Variants in RYK observed in about 807,000 individuals in gnomAD.
RYK encodes the protein receptor like tyrosine kinase, also known as inactive tyrosine-protein kinase RYK.
RYK carries 21 observed loss-of-function variants against 70.2 expected under a neutral mutation model. That is an observed-to-expected ratio of 0.30 (90% confidence interval 0.21 to 0.43). The LOEUF is 0.43. Ranked by LOEUF, RYK falls within the 20% of genes least tolerant of loss-of-function variation. The probability of loss-of-function intolerance (pLI) is 1.00; values close to 1 mark genes in which losing one functional copy is unlikely to be tolerated. For synonymous variants in RYK, 267 were observed against 278.0 expected (o/e 0.96, Z 0.39); for missense variants, 604 against 753.3 (o/e 0.80, Z 2.32).
rs563194173 is a variant in RYK at position 134,209,362 on chromosome 3, T to C, written c.589+333A>G. Among the ~76,000 whole-genome samples the C allele has an allele frequency of 1.4e-4, 22 of 152,332 alleles. No individual in the cohort carries two copies. The South Asian group carries it at 4.6e-3, about 32-fold the overall frequency. On this transcript the variant is annotated intron_variant, in intron 4 of 14. Coordinates refer to ENST00000623711, the MANE Select transcript of RYK (RefSeq NM_002958.4). ...ATGCTTCTGCATAAAAGTAACTTGA[T>C]AAGGGAAACACAGTTAACATAGTTA... is the stretch of plus-strand genomic sequence containing the variant.
chr3:134,163,887 A>G (rs1319293772), intron 13 of RYK, among the ~76,000 whole-genome samples: 2 of 152,228 alleles, frequency 1.3e-5, no homozygotes, highest in Non-Finnish European at 2.9e-5. Flanking sequence ...ACCTGGGTTA[A>G]GTGTTTTATA....
At chr3:134,225,925 G>C (rs1223466483) in intron 1 of RYK, among the ~76,000 whole-genome samples, 2 of 151,160 alleles carry the variant, frequency 1.3e-5, no homozygotes, top group Non-Finnish European at 2.9e-5. Flanking sequence ...TAGATGATTT[G>C]AACATATAAT....
rs542380004 is a variant in RYK at position 134,239,028 on chromosome 3, G to A, written c.232+11395C>T. Among the ~76,000 whole-genome samples the A allele has an allele frequency of 7.2e-5, 11 of 152,288 alleles. No individual in the cohort carries two copies. In the East Asian group the frequency reaches 2.1e-3, roughly 29 times the overall value. ...CCATAAGGTAGCCTCGGTGCAGTAG[G>A]GGAGAGACAAAATATGATGGGTGCA... is the stretch of plus-strand genomic sequence containing the variant. On this transcript the variant is annotated intron_variant, in intron 1 of 14. Coordinates refer to ENST00000623711, the MANE Select transcript of RYK (RefSeq NM_002958.4).
chr3:134,250,704 C>T lies in RYK; in HGVS notation c.-50G>A. The T allele has an allele frequency of 1.1e-6, 1 of 893,694 alleles. No homozygotes were observed. The highest frequency in any genetic ancestry group is 1.3e-6 in the Non-Finnish European group (1 of 747,910). The allele number at this position is 893,694 out of a possible 1,614,324, so 55.4% of individuals were successfully genotyped here. A position where few individuals can be genotyped will look rare whatever the true frequency, so the allele number is the denominator to read the frequency against. ...GGAGCGTCGGCCGCCCGCCGCACCG[C>T]CGCCCACCCCCGGCCCCGAGCCGCT... On this transcript the variant is annotated 5_prime_UTR_variant, in exon 1 of 15. Coordinates refer to ENST00000623711, the MANE Select transcript of RYK (RefSeq NM_002958.4).
At position 134,175,632 on chromosome 3, in the gene RYK, C is replaced by T. The variant is rs754659003; in HGVS notation, c.1552G>A (p.Glu518Lys). 15 of 1,613,880 alleles carry T rather than the reference C, an allele frequency of 9.3e-6. No individual in the cohort carries two copies. The highest frequency in any genetic ancestry group is 5.5e-5 in the South Asian group (5 of 91,070). Residue 518 changes from glutamate (E) to lysine (K), a missense_variant, in exon 13 of 15, where the codon GAG becomes AAG. Transcript: ENST00000623711. ...WMALESLVNN[E>K]FSSASDVWAF... ...ACCACATCACTAGCGCTAGAGAACT[C>T]GTTATTAACCAGACTTTCAAGAGCC...
At chr3:134,196,962 T>C (rs544101197) in intron 6 of RYK, among the ~76,000 whole-genome samples, 13 of 152,332 alleles carry the variant, frequency 8.5e-5, no homozygotes, top group African/African-American at 2.6e-4. Context: ...TCCCTGAAGA[T>C]GTCCATCATT....
chr3:134,215,944 G>A (rs1391425555), intron 2 of RYK, among the ~76,000 whole-genome samples: 1 of 151,386 alleles, frequency 6.6e-6, no homozygotes, highest in Non-Finnish European at 1.5e-5. Flanking sequence ...GCTAAGGCAG[G>A]AGAATCACTT....
At chr3:134,213,873 G>A (rs956090640) in intron 2 of RYK, among the ~76,000 whole-genome samples, 4 of 151,910 alleles carry the variant, frequency 2.6e-5, no homozygotes, top group South Asian at 2.1e-4. Flanking sequence ...GCGTGATATC[G>A]GCTCGCTGCA....
intron 6 of RYK, among the ~76,000 whole-genome samples, chr3:134,197,303 G>A (rs915344427): frequency 5.9e-5 from 9 of 152,136 alleles, no homozygotes; most frequent in East Asian, 1.9e-4. Context: ...AGCATAAACC[G>A]TGAAGTCAGA....
At position 134,250,500 on chromosome 3, in the gene RYK, G is replaced by A. The variant is rs2015586190; in HGVS notation, c.155C>T (p.Pro52Leu). 1.6e-6 allele frequency: 2 copies of A among 1,280,030 alleles called. No individual in the cohort carries two copies. The highest frequency in any genetic ancestry group is 2.6e-5 in the South Asian group (1 of 38,270). The allele number at this position is 1,280,030 out of a possible 1,614,324, so 79.3% of individuals were successfully genotyped here. ...PGAAAAPAPR[P>L]PELQSASAGP... ...CGCGGAAGCCGACTGCAGCTCCGGG[G>A]GCCGCGGGGCGGGGGCGGCGGCAGC... Residue 52 changes from proline to leucine, a missense_variant, in exon 1 of 15, where the codon CCC becomes CTC. Around this residue, in one of 2 missense-constraint regions of RYK, gnomAD observed 466 missense variants for 535.9 expected, o/e 0.87. Transcript: ENST00000623711.
chr3:134,191,420 G>C (rs979751419), intron 8 of RYK, among the ~76,000 whole-genome samples: 1 of 152,134 alleles, frequency 6.6e-6, no homozygotes, highest in Non-Finnish European at 1.5e-5. Flanking sequence ...TTTCTCCAAA[G>C]CCACACGGAG....
At chr3:134,246,064 TAAAA>T (rs1334873861) in intron 1 of RYK, among the ~76,000 whole-genome samples, 1 of 145,868 alleles carries the variant, frequency 6.9e-6, no homozygotes, top group African/African-American at 2.5e-5. Context: ...AAAGAAAAAA[TAAAA>T]ATACACACAT....
chr3:134,207,273 A>G (rs1183659874), intron 5 of RYK, among the ~76,000 whole-genome samples, 199 bp downstream of exon 5: 4 of 152,224 alleles, frequency 2.6e-5, no homozygotes, highest in African/African-American at 9.6e-5. Flanking sequence ...AAATACGTAT[A>G]AATTTTAGTT....
chr3:134,199,091 C>A (rs991349446), intron 6 of RYK, among the ~76,000 whole-genome samples: 1 of 152,198 alleles, frequency 6.6e-6, no homozygotes, highest in Non-Finnish European at 1.5e-5. Flanking sequence ...TCTGCCTATC[C>A]AGGACAGACT....
At chr3:134,191,676 C>T (rs1328209551) in intron 8 of RYK, among the ~76,000 whole-genome samples, 173 bp downstream of exon 8, 2 of 152,046 alleles carry the variant, frequency 1.3e-5, no homozygotes, top group African/African-American at 4.8e-5. Flanking sequence ...GTACAAGGCC[C>T]ATTCAAGTAT....
intron 9 of RYK, among the ~76,000 whole-genome samples, chr3:134,183,835 T>TG (rs1363745304): frequency 6.6e-6 from 1 of 152,244 alleles, no homozygotes; most frequent in Non-Finnish European, 1.5e-5. Flanking sequence ...GGATACTATG[T>TG]GGCTACTTTT....
intron 7 of RYK, among the ~76,000 whole-genome samples, chr3:134,193,012 T>G (rs1482047484): frequency 6.6e-6 from 1 of 152,232 alleles, no homozygotes; most frequent in African/African-American, 2.4e-5. Context: ...CCTCTTTTTC[T>G]ATCTGTAAAC....
At chr3:134,248,637 T>G (rs1205950316) in intron 1 of RYK, among the ~76,000 whole-genome samples, 2 of 152,078 alleles carry the variant, frequency 1.3e-5, no homozygotes, top group African/African-American at 4.8e-5. Context: ...ACCAACATGG[T>G]GAAACCCTGT....
At chr3:134,240,072 A>C (rs1250441756) in intron 1 of RYK, among the ~76,000 whole-genome samples, 1 of 152,232 alleles carries the variant, frequency 6.6e-6, no homozygotes, top group East Asian at 1.9e-4. Context: ...ATACATTTAC[A>C]TATTTATAAA....
Sources: gnomAD v4.1 joint callset for allele counts (sites outside exome capture counted in the v4.1 genomes callset) on GRCh38, gnomAD v4.1.1 for gene constraint, gnomAD v4.1.1 regional missense constraint, MANE v1.5 for transcripts, NCBI Gene and HGNC (gene_info 2026-07-23, HGNC 2026-07-21) for gene names.